Variants in CNBD1 observed in about 807,000 individuals in gnomAD.
The protein encoded by CNBD1 is cyclic nucleotide-binding domain-containing protein 1.
Under a neutral mutation model 54.4 loss-of-function variants are expected in CNBD1, and 71 were observed. The ratio of observed to expected loss-of-function variants is 1.30; its 90% CI spans 1.08 to 1.59. The LOEUF (loss-of-function observed/expected upper bound fraction) is 1.59, where lower values mean the gene tolerates loss of function less well. CNBD1 is among the 40% of genes most tolerant of loss of function. CNBD1 has a pLI of 0.00. For missense variants in CNBD1, 659 were observed against 518.0 expected (o/e 1.27, Z -2.64); for synonymous variants, 182 against 170.7 (o/e 1.07, Z -0.51).
At chr8:87,304,443 A>C (rs1431388827) in intron 8 of CNBD1, among the ~76,000 whole-genome samples, 3 of 151,980 alleles carry the variant, frequency 2.0e-5, no homozygotes, top group Non-Finnish European at 4.4e-5. Context: ...CAATGAGAAC[A>C]CATGGACACA....
chr8:87,360,222 AC>A (rs1810499249), intron 10 of CNBD1, among the ~76,000 whole-genome samples: 1 of 152,000 alleles, frequency 6.6e-6, no homozygotes, highest in African/African-American at 2.4e-5. Flanking sequence ...TAAATGCTCT[AC>A]TGGAGAATTA....
At chr8:87,406,841 AC>A (rs1586083233) in intron 2 of CNBD1, among the ~76,000 whole-genome samples, 1 of 152,242 alleles carries the variant, frequency 6.6e-6, no homozygotes, top group East Asian at 1.9e-4. Flanking sequence ...CCCATAGCCC[AC>A]AGCCCCAGAC....
At chr8:86,971,977 G>C (rs1808230189) in intron 4 of CNBD1, among the ~76,000 whole-genome samples, 1 of 150,498 alleles carries the variant, frequency 6.6e-6, no homozygotes, top group African/African-American at 2.4e-5. Flanking sequence ...TTTTGAGACA[G>C]GGTCTCATTC....
intron 4 of CNBD1, among the ~76,000 whole-genome samples, chr8:87,061,788 T>C (rs1810552968): frequency 6.6e-6 from 1 of 152,210 alleles, no homozygotes; most frequent in Admixed American, 6.5e-5. Flanking sequence ...GGCACGTTTT[T>C]CCCCAATATT....
rs116221241 is a variant in CNBD1, at chr8:87,103,600, G to A, written c.432-102393G>A. Reference sequence around the variant, plus strand: ...TGGCAGCAGCAAGGAAAAGTGCAGCGTGAAGTTGGGGAAAAGCCCCTTACA... The same window carrying A: ...TGGCAGCAGCAAGGAAAAGTGCAGCATGAAGTTGGGGAAAAGCCCCTTACA... On this transcript the variant is annotated intron_variant, in intron 4 of 10. Coordinates refer to ENST00000518476, the MANE Select transcript of CNBD1 (RefSeq NM_173538.3). Among the ~76,000 whole-genome samples the A allele has an allele frequency of 4.6e-3, 699 of 152,290 alleles. 4 individuals carry two copies. Among genetic ancestry groups the A allele is most frequent in the African/African-American group, 0.016 (668 of 41,564 alleles).
chr8:87,332,408 C>T (rs796165695), intron 8 of CNBD1, among the ~76,000 whole-genome samples: 6 of 151,014 alleles, frequency 4.0e-5, no homozygotes, highest in Admixed American at 1.3e-4. Context: ...TCAGTTTTAG[C>T]GTTTGTTGTA....
intron 10 of CNBD1, among the ~76,000 whole-genome samples, chr8:87,377,135 TA>T (rs1205680043): frequency 1.3e-5 from 2 of 149,700 alleles, no homozygotes; most frequent in African/African-American, 4.9e-5. Context: ...TTATTTTATT[TA>T]TTTTTTTATG....
chr8:87,216,088 C>T (rs1814205910), intron 5 of CNBD1, among the ~76,000 whole-genome samples: 1 of 152,082 alleles, frequency 6.6e-6, no homozygotes, highest in Non-Finnish European at 1.5e-5. Flanking sequence ...TTAATTGTTT[C>T]TTTAATAGCT....
At chr8:87,358,659 A>G (rs968268757) in intron 10 of CNBD1, among the ~76,000 whole-genome samples, 3 of 152,164 alleles carry the variant, frequency 2.0e-5, no homozygotes. Context: ...ACAAAGTCCC[A>G]TGATATGCTT....
intron 6 of CNBD1, among the ~76,000 whole-genome samples, chr8:87,278,310 G>A (rs1226727836): frequency 6.6e-6 from 1 of 151,536 alleles, no homozygotes; most frequent in African/African-American, 2.4e-5. Flanking sequence ...TTTTCTGACT[G>A]TGGAAAGACA....
intron 10 of CNBD1, among the ~76,000 whole-genome samples, chr8:87,354,849 T>C (rs929186628): frequency 3.3e-5 from 5 of 151,770 alleles, no homozygotes; most frequent in Non-Finnish European, 7.3e-5. Flanking sequence ...CTATTGTGAA[T>C]AGTGCCGCAA....
At chr8:87,414,454 A>G (rs917752917) in intron 2 of CNBD1, among the ~76,000 whole-genome samples, 1 of 152,118 alleles carries the variant, frequency 6.6e-6, no homozygotes, top group African/African-American at 2.4e-5. Flanking sequence ...GCACACCAAC[A>G]TGGCACATGT....
At chr8:87,120,500 T>C (rs1299865797) in intron 4 of CNBD1, among the ~76,000 whole-genome samples, 1 of 151,836 alleles carries the variant, frequency 6.6e-6, no homozygotes, top group Non-Finnish European at 1.5e-5. Context: ...ATGTACATCT[T>C]GTTGAAGAAA....
chr8:87,386,203 C>T (rs933868384), downstream of CNBD1, among the ~76,000 whole-genome samples: 10 of 152,122 alleles, frequency 6.6e-5, no homozygotes, highest in Admixed American at 3.9e-4. Flanking sequence ...AAAATCAGAG[C>T]ACCTCTCCTC....
At chr8:87,427,291 A>G (rs1017534908) in intron 2 of CNBD1, among the ~76,000 whole-genome samples, 1 of 152,188 alleles carries the variant, frequency 6.6e-6, no homozygotes, top group Non-Finnish European at 1.5e-5. Context: ...AGTTTGGGGT[A>G]TAAAATTGTT....
chr8:86,897,681 T>G (rs1808867502), intron 2 of CNBD1, among the ~76,000 whole-genome samples: 1 of 152,244 alleles, frequency 6.6e-6, no homozygotes, highest in South Asian at 2.1e-4. Context: ...TTTCCTCTTC[T>G]GATTTCTAGT....
intron 8 of CNBD1, among the ~76,000 whole-genome samples, chr8:87,320,627 C>G (rs2878855): frequency 0.53 from 76,408 of 142,848 alleles, 21,014 homozygotes; most frequent in African/African-American, 0.71. Context: ...TGTGGGGGGG[C>G]GGCTCAGGGT....
chr8:86,940,132 C>CTTTTTTTTCTTTTTTTTTTTTTTTTT (rs1554632387), intron 4 of CNBD1, among the ~76,000 whole-genome samples: 1 of 88,742 alleles, frequency 1.1e-5, no homozygotes, highest in African/African-American at 4.6e-5. Context: ...CCACATGTTA[C>CTTTTTTTTCTTTTTTTTTTTTTTTTT]TTTTTTTTTT....
intron 3 of CNBD1, among the ~76,000 whole-genome samples, chr8:86,922,137 C>T (rs1440868962): frequency 6.6e-6 from 1 of 152,084 alleles, no homozygotes; most frequent in Non-Finnish European, 1.5e-5. Flanking sequence ...TCTGATAATT[C>T]TTCATGTTGT....
Sources: gnomAD v4.1 joint callset for allele counts (sites outside exome capture counted in the v4.1 genomes callset) on GRCh38, gnomAD v4.1.1 for gene constraint, MANE v1.5 for transcripts, NCBI Gene and HGNC (gene_info 2026-07-23, HGNC 2026-07-21) for gene names.